Variants in NAV1 observed in about 807,000 individuals in gnomAD.
NAV1 encodes the protein neuron navigator 1.
NAV1 carries 18 observed loss-of-function variants against 175.2 expected under a neutral mutation model. The ratio of observed to expected loss-of-function variants is 0.10; its 90% CI spans 0.07 to 0.15. The LOEUF (loss-of-function observed/expected upper bound fraction) is 0.15. NAV1 is among the 10% of genes least tolerant of loss of function. The pLI is 1.00. For synonymous variants in NAV1, 897 were observed against 978.7 expected, an observed-to-expected ratio of 0.92 and a Z score of 1.56; for missense variants, 1,731 against 2,436.6, an observed-to-expected ratio of 0.71 and a Z score of 6.10.
At chr1:201,775,248 G>C (rs1675859751) in intron 3 of NAV1, among the ~76,000 whole-genome samples, 1 of 152,172 alleles carries the variant, frequency 6.6e-6, no homozygotes, top group South Asian at 2.1e-4. Flanking sequence ...TGAGGGCATA[G>C]ATTTTAAACT....
intron 3 of NAV1, among the ~76,000 whole-genome samples, chr1:201,761,570 C>A (rs190159030): frequency 6.6e-6 from 1 of 152,176 alleles, no homozygotes; most frequent in Non-Finnish European, 1.5e-5. Context: ...TGAATGGCAA[C>A]GTCTTCGTTT....
At chr1:201,803,927 T>C (rs1678109125) in intron 16 of NAV1, 2 of 605,632 alleles carry the variant, frequency 3.3e-6, no homozygotes, top group Non-Finnish European at 2.9e-6. Context: ...CTGACCTTTA[T>C]ATGCATCTGC....
At chr1:201,549,680 A>G (rs61819691) in intron 1 of NAV1, among the ~76,000 whole-genome samples, 149,413 of 149,432 alleles carry the variant, frequency 1, 74,697 homozygotes, top group Middle Eastern at 1. Context: ...TGGGCAGGTT[A>G]CAGCCTGCCC....
intron 1 of NAV1, among the ~76,000 whole-genome samples, chr1:201,585,735 G>A (rs1166251284): frequency 6.6e-6 from 1 of 152,052 alleles, no homozygotes; most frequent in Non-Finnish European, 1.5e-5. Flanking sequence ...TAGTTATTAA[G>A]AAATGCAAAT....
At chr1:201,624,909 G>T (rs1411011459) in intron 1 of NAV1, among the ~76,000 whole-genome samples, 1 of 152,166 alleles carries the variant, frequency 6.6e-6, no homozygotes, top group Non-Finnish European at 1.5e-5. Flanking sequence ...CTGGAGGTGG[G>T]GGTAGGGAAC....
At chr1:201,758,726 G>C (rs1674658103) in intron 3 of NAV1, among the ~76,000 whole-genome samples, 1 of 152,230 alleles carries the variant, frequency 6.6e-6, no homozygotes, top group African/African-American at 2.4e-5. Flanking sequence ...CACTGCAGAA[G>C]TAATCCCATA....
In NAV1 at chr1:201,810,122, TG is replaced by T. The variant is rs1415053917; in HGVS notation, c.4561+21del. The T allele has an allele frequency of 6.2e-7, 1 of 1,611,774 alleles. No individual in the cohort carries two copies. Among genetic ancestry groups the T allele is most frequent in the South Asian group, 1.1e-5 (1 of 90,986 alleles). ...CCCTCAAAGGTCAGTCTTTGTCTCT[TG>T]GGGTGAGGTGGTGTGGCATGAAGGC... On this transcript the variant is annotated intron_variant, in intron 23 of 29. Coordinates refer to ENST00000367296, the Ensembl canonical transcript of NAV1. The surrounding 1 kb of genome is among the most constrained non-coding windows in gnomAD (Gnocchi z 6.0).
At chr1:201,757,930 C>T (rs1674615420) in intron 3 of NAV1, among the ~76,000 whole-genome samples, 2 of 152,342 alleles carry the variant, frequency 1.3e-5, no homozygotes, top group Admixed American at 1.3e-4. Context: ...CTGTTGGCTG[C>T]ACCCACGCAT....
chr1:201,562,171 A>ATTTTTTT (rs566214709), intron 1 of NAV1, among the ~76,000 whole-genome samples: 6,454 of 127,024 alleles, frequency 0.051, 335 homozygotes, highest in South Asian at 0.11. Flanking sequence ...TGCCTGGCTA[A>ATTTTTTT]TTTTTTTTTT....
At position 201,810,484 on chromosome 1, in the gene NAV1, C is replaced by A; in HGVS notation, c.4562-39C>A. Reference sequence around the variant, plus strand: ...TTAGGATCCCTTGCTATCCTCAAGACCCTGGTCAATACTCATGCTTTCTGG... The same window carrying A: ...TTAGGATCCCTTGCTATCCTCAAGAACCTGGTCAATACTCATGCTTTCTGG... On this transcript the variant is annotated intron_variant, in intron 23 of 29. Transcript: ENST00000367296. This position sits in a 1 kb window ranked among gnomAD's most constrained non-coding sequence, Gnocchi z 6.0. 1.3e-6 allele frequency: 2 copies of A among 1,560,336 alleles called. No homozygotes were observed. The highest frequency in any genetic ancestry group is 1.7e-6 in the Non-Finnish European group (2 of 1,147,848).
At chr1:201,682,209 C>T (rs1271443545) in intron 1 of NAV1, among the ~76,000 whole-genome samples, 1 of 152,008 alleles carries the variant, frequency 6.6e-6, no homozygotes, top group African/African-American at 2.4e-5. Flanking sequence ...TCACTTGAAC[C>T]CGGGAGGCGG....
intron 17 of NAV1, among the ~76,000 whole-genome samples, chr1:201,806,135 C>T (rs1442302555): frequency 6.6e-6 from 1 of 151,940 alleles, no homozygotes; most frequent in Non-Finnish European, 1.5e-5. Context: ...CAGGCATGCA[C>T]CACCATGTCC....
intron 1 of NAV1, among the ~76,000 whole-genome samples, chr1:201,698,244 C>A (rs756665103): frequency 1.3e-5 from 2 of 152,218 alleles, no homozygotes; most frequent in Non-Finnish European, 2.9e-5. Flanking sequence ...TCCCCTGTGA[C>A]TCCTCTAACC....
chr1:201,759,743 A>G (rs930253585), intron 3 of NAV1, among the ~76,000 whole-genome samples: 107 of 152,212 alleles, frequency 7.0e-4, no homozygotes, highest in Non-Finnish European at 5.9e-5. Context: ...CTTTGCTACA[A>G]TGGAAATCTT....
chr1:201,803,374 T>G (rs191698747), intron 15 of NAV1, among the ~76,000 whole-genome samples: 1 of 152,332 alleles, frequency 6.6e-6, no homozygotes, highest in East Asian at 1.9e-4. Flanking sequence ...AGAAAAGGAA[T>G]CATTTCTTAT....
intron 15 of NAV1, among the ~76,000 whole-genome samples, chr1:201,801,366 T>C (rs1227476896): frequency 1.3e-5 from 2 of 152,248 alleles, no homozygotes; most frequent in African/African-American, 2.4e-5. Flanking sequence ...ATCTCCTTCA[T>C]CTAACAGGTT....
intron 2 of NAV1, among the ~76,000 whole-genome samples, chr1:201,598,140 A>G (rs1044063337): frequency 1.3e-5 from 2 of 152,256 alleles, no homozygotes; most frequent in Non-Finnish European, 2.9e-5. Flanking sequence ...CTATGTACAC[A>G]GTGCTCTGGC....
chr1:201,651,961 T>C (rs1669222238), intron 1 of NAV1, among the ~76,000 whole-genome samples: 1 of 152,022 alleles, frequency 6.6e-6, no homozygotes, highest in Middle Eastern at 3.4e-3. Context: ...ACTAAGCTTT[T>C]CCCTGTGTGA....
At chr1:201,767,345 G>C (rs550259644) in intron 3 of NAV1, among the ~76,000 whole-genome samples, 1 of 151,928 alleles carries the variant, frequency 6.6e-6, no homozygotes, top group South Asian at 2.1e-4. Context: ...CAGCTACTTG[G>C]GAGGCTGAGG....
Sources: gnomAD v4.1 joint callset for allele counts (sites outside exome capture counted in the v4.1 genomes callset) on GRCh38, gnomAD v4.1.1 for gene constraint, Gnocchi (gnomAD v3.1) non-coding constraint, MANE v1.5 for transcripts, NCBI Gene and HGNC (gene_info 2026-07-23, HGNC 2026-07-21) for gene names.